IGFBP5: variants seen among roughly 807,000 people sequenced by gnomAD.
IGFBP5 encodes the protein insulin like growth factor binding protein 5, also known as insulin-like growth factor-binding protein 5.
Under a neutral mutation model 28.0 loss-of-function variants are expected in IGFBP5, and 12 were observed. That is an observed-to-expected ratio of 0.43 (90% CI 0.27 to 0.69). IGFBP5 has a LOEUF of 0.69. IGFBP5 is among the 30% of genes least tolerant of loss of function. The pLI, the probability that IGFBP5 is intolerant of heterozygous loss-of-function variation, is 0.20. For missense variants in IGFBP5, 344 were observed against 381.6 expected, an observed-to-expected ratio of 0.90 and a Z score of 0.82; for synonymous variants, 152 against 150.2, an observed-to-expected ratio of 1.01 and a Z score of -0.09.
At chr2:216,688,432 A>C (rs1368360344) in intron 1 of IGFBP5, among the ~76,000 whole-genome samples, 1 of 152,258 alleles carries the variant, frequency 6.6e-6, no homozygotes, top group Non-Finnish European at 1.5e-5. Flanking sequence ...ATTCAGTTAA[A>C]ATGTATTATT....
In IGFBP5 at chr2:216,692,853, C is replaced by T. The variant is rs11575129; in HGVS notation, c.337+1586G>A. Among the ~76,000 whole-genome samples, 99 of 152,196 alleles carry T rather than the reference C, an allele frequency of 6.5e-4. No homozygotes were observed. In the East Asian group the frequency reaches 0.018, roughly 28 times the overall value. On this transcript the variant is annotated intron_variant, in intron 1 of 3. Transcript: ENST00000233813. This position sits in a 1 kb window ranked among gnomAD's most constrained non-coding sequence, Gnocchi z 4.2. ...TGGCCCCTGCGCCACTCAAACCCTGCAGGGTTTGCGGGGACTGAGGCTGAA... is the reference window on the plus strand; with the variant it reads ...TGGCCCCTGCGCCACTCAAACCCTGTAGGGTTTGCGGGGACTGAGGCTGAA...
rs1200921986 is a variant in IGFBP5 at position 216,694,268 on chromosome 2, G to A, written c.337+171C>T. Among the ~76,000 whole-genome samples the A allele has an allele frequency of 6.6e-6, 1 of 152,088 alleles. No homozygotes were observed. The highest frequency in any genetic ancestry group is 6.5e-5 in the Admixed American group (1 of 15,284). On this transcript the variant is annotated intron_variant, in intron 1 of 3. Coordinates refer to ENST00000233813, the MANE Select transcript of IGFBP5 (RefSeq NM_000599.4). This position sits in a 1 kb window ranked among gnomAD's most constrained non-coding sequence, Gnocchi z 5.2. ...TAGACTCGGCTAGACAGTTCCCCCG[G>A]GTAGCAGGATCCTCCAGGGCTCCAA...
intron 1 of IGFBP5, among the ~76,000 whole-genome samples, chr2:216,680,895 G>C (rs11575182): frequency 0.027 from 4,181 of 152,228 alleles, 79 homozygotes; most frequent in South Asian, 0.067. Context: ...CCAGTACCTC[G>C]ATTCTGCTCT....
chr2:216,678,702 T>C (rs1688933563), intron 2 of IGFBP5, 148 bp downstream of exon 2: 2 of 651,746 alleles, frequency 3.1e-6, no homozygotes, highest in African/African-American at 1.8e-5. Context: ...CTCTGGAAAC[T>C]CTACTCCCAC....
At position 216,694,490 on chromosome 2, in the gene IGFBP5, C is replaced by T. The variant is rs1689143152; in HGVS notation, c.286G>A (p.Gly96Ser). ...EEKPLHALLH[G>S]RGVCLNEKSY... is the part of the protein sequence containing the mutation. ...TTTTCGTTGAGGCAAACCCCGCGGC[C>T]GTGCAGCAGGGCGTGCAGCGGCTTC... The change falls in exon 1 of 4, where the codon GGC becomes AGC. Residue 96 changes from glycine (G) to serine (S), a missense_variant. Gly to Ser is a moderately conservative substitution (Grantham distance 56, BLOSUM62 0). Coordinates refer to ENST00000233813, the MANE Select transcript of IGFBP5 (RefSeq NM_000599.4). This position sits in a 1 kb window ranked among gnomAD's most constrained non-coding sequence, Gnocchi z 5.2. 1.9e-6 allele frequency: 3 copies of T among 1,589,682 alleles called. No individual in the cohort carries two copies. Among genetic ancestry groups the T allele is most frequent in the Non-Finnish European group, 8.5e-7 (1 of 1,171,538 alleles).
At chr2:216,693,308 G>C (rs1279770783) in intron 1 of IGFBP5, among the ~76,000 whole-genome samples, 1 of 152,056 alleles carries the variant, frequency 6.6e-6, no homozygotes, top group Non-Finnish European at 1.5e-5. Context: ...CCCGGGGGCG[G>C]GGCAAGCGGA....
Position 216,690,236 on chromosome 2 carries a change from C to G in IGFBP5, c.337+4203G>C, listed in dbSNP as rs11575141. ...TTTTGGACCAACTGTAGAGAAAAAG[C>G]AAATGTAAAACTAAACAAACCCCTC... On this transcript the variant is annotated intron_variant, in intron 1 of 3. Coordinates refer to ENST00000233813, the MANE Select transcript of IGFBP5 (RefSeq NM_000599.4). 8.8e-3 allele frequency among the ~76,000 whole-genome samples: 1,345 copies of G among 152,234 alleles called. 17 individuals are homozygous for G. Among genetic ancestry groups the G allele is most frequent in the African/African-American group, 0.029 (1,207 of 41,536 alleles).
At chr2:216,681,678 T>C (rs1341428900) in intron 1 of IGFBP5, among the ~76,000 whole-genome samples, 1 of 152,196 alleles carries the variant, frequency 6.6e-6, no homozygotes, top group Non-Finnish European at 1.5e-5. Flanking sequence ...TCTGGCTACC[T>C]GTTGGGGGAG....
chr2:216,682,824 T>C (rs935017236), intron 1 of IGFBP5, among the ~76,000 whole-genome samples: 1 of 151,730 alleles, frequency 6.6e-6, no homozygotes, highest in Non-Finnish European at 1.5e-5. Flanking sequence ...TTCTCCTGCC[T>C]CATCCTCCCG....
chr2:216,679,572 G>T lies in IGFBP5; in HGVS notation c.338-493C>A, dbSNP rs778530788. On this transcript the variant is annotated intron_variant, in intron 1 of 3. Transcript: ENST00000233813. This position sits in a 1 kb window ranked among gnomAD's most constrained non-coding sequence, Gnocchi z 4.6. The stretch of plus-strand genomic sequence containing the variant: ...CAGGGCGTGGACGAGAAGGGCAAAG[G>T]CTGTCCTGTTAGTGAGATCTTTGCA... Among the ~76,000 whole-genome samples the T allele has an allele frequency of 2.0e-5, 3 of 152,150 alleles. No homozygotes were observed. The highest frequency in any genetic ancestry group is 6.5e-5 in the Admixed American group (1 of 15,284).
rs1688902662 is a variant in IGFBP5 at position 216,676,654 on chromosome 2, G to A, written c.*97C>T. 4.1e-6 allele frequency: 3 copies of A among 733,622 alleles called. No homozygotes were observed. In the South Asian group the frequency reaches 5.5e-5, roughly 14 times the overall value. The allele number at this position is 733,622 out of a possible 1,614,324, so 45.4% of individuals were successfully genotyped here. On this transcript the variant is annotated 3_prime_UTR_variant, in exon 4 of 4. Transcript: ENST00000233813. ...ATAGATATATATTTTTCCCTTAAATGAGATGAAATGAGTGGCGTCCTGGGG... is the reference window on the plus strand; with the variant it reads ...ATAGATATATATTTTTCCCTTAAATAAGATGAAATGAGTGGCGTCCTGGGG...
At chr2:216,686,690 C>T (rs1211412745) in intron 1 of IGFBP5, among the ~76,000 whole-genome samples, 1 of 115,930 alleles carries the variant, frequency 8.6e-6, no homozygotes, top group Non-Finnish European at 1.7e-5. Flanking sequence ...TTTTTTGAGA[C>T]GGAGTCTCAC....
chr2:216,673,960 C>T lies in IGFBP5; in HGVS notation c.*2791G>A, dbSNP rs535625437. 17 of 152,742 alleles carry T rather than the reference C, an allele frequency of 1.1e-4. No individual in the cohort carries two copies. Among genetic ancestry groups the T allele is most frequent in the South Asian group, 4.1e-4 (2 of 4,828 alleles). 9.5% of individuals were successfully genotyped at this position (152,742 alleles called of 1,614,324 possible). On this transcript the variant is annotated 3_prime_UTR_variant, in exon 4 of 4. Coordinates refer to ENST00000233813, the MANE Select transcript of IGFBP5 (RefSeq NM_000599.4). This position sits in a 1 kb window ranked among gnomAD's most constrained non-coding sequence, Gnocchi z 4.3. ...GTTCGCAGGCACGAACTTTGGAAAC[C>T]GGAAGAGTCTGGCGCACTTACACCA...
At chr2:216,678,398 G>A (rs565483575) in intron 2 of IGFBP5, among the ~76,000 whole-genome samples, 167 bp from the exon 3 acceptor site, 5 of 152,294 alleles carry the variant, frequency 3.3e-5, no homozygotes, top group East Asian at 1.9e-4. Flanking sequence ...CACCTGTCAC[G>A]TGCGCTGGGA....
At chr2:216,681,917 C>A (rs952613608) in intron 1 of IGFBP5, among the ~76,000 whole-genome samples, 2 of 152,164 alleles carry the variant, frequency 1.3e-5, no homozygotes, top group African/African-American at 4.8e-5. Flanking sequence ...GTTTGATAAA[C>A]CTTGGGGTAA....
chr2:216,678,698 A>C (rs1051462561), intron 2 of IGFBP5, 152 bp downstream of exon 2: 2 of 641,036 alleles, frequency 3.1e-6, no homozygotes, highest in African/African-American at 3.7e-5. Context: ...TATGCTCTGG[A>C]AACTCTACTC....
Position 216,694,347 on chromosome 2 carries a change from AG to A in IGFBP5, c.337+91del. 1 of 1,162,568 alleles carries A rather than the reference AG, an allele frequency of 8.6e-7. No individual in the cohort carries two copies. Among genetic ancestry groups the A allele is most frequent in the East Asian group, 2.9e-5 (1 of 34,102 alleles). The allele number at this position is 1,162,568 out of a possible 1,614,324, so 72.0% of individuals were successfully genotyped here. On this transcript the variant is annotated intron_variant, in intron 1 of 3. Transcript: ENST00000233813. The surrounding 1 kb of genome is among the most constrained non-coding windows in gnomAD (Gnocchi z 5.2). ...ACTCCCGAGCTGCACCCCAGCTCGA[AG>A]CCACTTGCTGCGCAAAGCGCGCGGG...
Position 216,694,460 on chromosome 2 carries a change from A to G in IGFBP5, c.316T>C (p.Tyr106His), listed in dbSNP as rs1265986009. ...TCACCGATCTTGACTTGCTCGCGGT[A>G]GCTCTTTTCGTTGAGGCAAACCCCG... ...GRGVCLNEKSYREQVKIERDS... is the reference protein window; with the variant it reads ...GRGVCLNEKSHREQVKIERDS... Residue 106 changes from tyrosine (Y) to histidine (H), a missense_variant, in exon 1 of 4, where the codon TAC becomes CAC. Tyr to His is a moderately conservative substitution (Grantham distance 83). Transcript: ENST00000233813. This position sits in a 1 kb window ranked among gnomAD's most constrained non-coding sequence, Gnocchi z 5.2. The G allele has an allele frequency of 2.5e-6, 4 of 1,577,546 alleles. No individual in the cohort carries two copies. Among genetic ancestry groups the G allele is most frequent in the Non-Finnish European group, 8.6e-7 (1 of 1,166,240 alleles).
intron 1 of IGFBP5, among the ~76,000 whole-genome samples, chr2:216,682,714 G>C (rs1306484742): frequency 7.0e-6 from 1 of 143,248 alleles, no homozygotes; most frequent in Non-Finnish European, 1.5e-5. Flanking sequence ...AGCGTTTTTT[G>C]TTTTTTTTTT....
Sources: allele counts gnomAD v4.1 joint callset (sites outside exome capture counted in the v4.1 genomes callset), GRCh38; gene constraint gnomAD v4.1.1; non-coding constraint Gnocchi (gnomAD v3.1); transcripts MANE v1.5; gene names NCBI Gene and HGNC (gene_info 2026-07-23, HGNC 2026-07-21).